GABRG3: variants seen among roughly 807,000 people sequenced by gnomAD.
The protein encoded by GABRG3 is gamma-aminobutyric acid type A receptor subunit gamma3, also known as gamma-aminobutyric acid receptor subunit gamma-3.
In GABRG3, 25 loss-of-function variants were observed where a neutral mutation model predicts 48.8. The ratio of observed to expected loss-of-function variants is 0.51; its 90% confidence interval spans 0.37 to 0.72. The LOEUF is 0.72. Among genes scored for constraint, GABRG3 ranks in the 30% least tolerant of loss-of-function variants. The pLI is 0.00. For missense variants in GABRG3, 394 were observed against 577.9 expected, an observed-to-expected ratio of 0.68 and a Z score of 3.26; for synonymous variants, 227 against 217.6, an observed-to-expected ratio of 1.04 and a Z score of -0.38.
At chr15:27,192,730 T>C (rs1223830817) in intron 3 of GABRG3, among the ~76,000 whole-genome samples, 1 of 152,254 alleles carries the variant, frequency 6.6e-6, no homozygotes, top group Non-Finnish European at 1.5e-5. Context: ...CTCGTCATTC[T>C]CCGTCCAGCT....
Position 27,518,369 on chromosome 15 carries a change from C to CAAAAAAAAA in GABRG3, c.713-1598_713-1590dup, listed in dbSNP as rs3058095. Reference sequence around the variant, plus strand: ...GGGTGACAAGAGTGAAACTCTGTCTCAAAAAAAAAAAAATGGGACATCAGT... The same window carrying CAAAAAAAAA: ...GGGTGACAAGAGTGAAACTCTGTCTCAAAAAAAAAAAAAAAAAAAAAATGGGACATCAGT... On this transcript the variant is annotated intron_variant, in intron 6 of 9. Transcript: ENST00000615808. 2.0e-3 allele frequency among the ~76,000 whole-genome samples: 249 copies of CAAAAAAAAA among 126,878 alleles called. 4 individuals carry two copies. Among genetic ancestry groups the CAAAAAAAAA allele is most frequent in the African/African-American group, 7.3e-3 (240 of 33,076 alleles). 83.2% of individuals were successfully genotyped at this position (126,878 alleles called of 152,430 possible). A position where few individuals can be genotyped will look rare whatever the true frequency, so the allele number is the denominator to read the frequency against.
Position 26,973,961 on chromosome 15 carries a change from A to G in GABRG3, c.53+2373A>G, listed in dbSNP as rs536222344. Among the ~76,000 whole-genome samples, 219 of 152,352 alleles carry G rather than the reference A, an allele frequency of 1.4e-3. 3 individuals carry two copies. The highest frequency in any genetic ancestry group is 1.2e-4 in the Non-Finnish European group (8 of 68,034). Reference sequence around the variant, plus strand: ...AACTTACTTAGAATTTAGGGAAAAGAGAATATTTCTATATTATCCACATTC... The same window carrying G: ...AACTTACTTAGAATTTAGGGAAAAGGGAATATTTCTATATTATCCACATTC... On this transcript the variant is annotated intron_variant, in intron 1 of 9. Transcript: ENST00000615808.
At chr15:27,278,537 T>C (rs1891332106) in intron 3 of GABRG3, among the ~76,000 whole-genome samples, 1 of 152,164 alleles carries the variant, frequency 6.6e-6, no homozygotes, top group Admixed American at 6.5e-5. Context: ...GGGTTTTGAA[T>C]TGAATTGTAT....
intron 3 of GABRG3, among the ~76,000 whole-genome samples, chr15:27,092,350 G>T (rs902665528): frequency 6.6e-6 from 1 of 152,186 alleles, no homozygotes; most frequent in African/African-American, 2.4e-5. Flanking sequence ...ATGCAAATGA[G>T]GCAGGGCGTG....
chr15:27,174,117 T>C (rs955339245), intron 3 of GABRG3, among the ~76,000 whole-genome samples: 1 of 152,132 alleles, frequency 6.6e-6, no homozygotes, highest in Non-Finnish European at 1.5e-5. Flanking sequence ...AATGGCAATG[T>C]TATTTTACTA....
intron 6 of GABRG3, among the ~76,000 whole-genome samples, chr15:27,490,965 T>C (rs1457145937): frequency 6.8e-6 from 1 of 147,564 alleles, no homozygotes; most frequent in Non-Finnish European, 1.5e-5. Flanking sequence ...GTCGGAGTCA[T>C]ACTACATTGG....
chr15:27,044,823 G>A (rs1393913116), intron 3 of GABRG3, among the ~76,000 whole-genome samples: 1 of 152,192 alleles, frequency 6.6e-6, no homozygotes, highest in African/African-American at 2.4e-5. Context: ...CCAGTTGGCC[G>A]CCTGTGACTG....
intron 3 of GABRG3, among the ~76,000 whole-genome samples, chr15:27,030,147 G>A (rs1317640625): frequency 6.6e-6 from 1 of 152,220 alleles, no homozygotes; most frequent in African/African-American, 2.4e-5. Context: ...ACAATTTAGA[G>A]ATGCAGACAG....
In GABRG3 at chr15:27,216,773, T is replaced by TA. The variant is rs1555410292; in HGVS notation, c.271-110036_271-110035insA. ...TTTTTTATTTATTTATTTATTTATT[T>TA]TTTAATTTTTTTTTTTATTATACTC... On this transcript the variant is annotated intron_variant, in intron 3 of 9. Transcript: ENST00000615808. Among the ~76,000 whole-genome samples, 584 of 117,480 alleles carry TA rather than the reference T, an allele frequency of 5.0e-3. 2 individuals carry two copies. Among genetic ancestry groups the TA allele is most frequent in the African/African-American group, 0.016 (512 of 32,042 alleles). The allele number at this position is 117,480 out of a possible 152,430, so 77.1% of individuals were successfully genotyped here.
At chr15:27,317,127 C>T (rs1292026682) in intron 3 of GABRG3, among the ~76,000 whole-genome samples, 2 of 152,158 alleles carry the variant, frequency 1.3e-5, no homozygotes, top group African/African-American at 4.8e-5. Context: ...CTGGCCTCTC[C>T]TTGTGTATTT....
intron 3 of GABRG3, among the ~76,000 whole-genome samples, chr15:27,278,486 C>A (rs1372912385): frequency 6.6e-6 from 1 of 152,204 alleles, no homozygotes; most frequent in African/African-American, 2.4e-5. Context: ...TGCCACCCCC[C>A]ATCCCTAATC....
intron 3 of GABRG3, among the ~76,000 whole-genome samples, chr15:27,238,006 GAGA>G (rs1165820948): frequency 7.9e-5 from 12 of 152,238 alleles, no homozygotes; most frequent in Non-Finnish European, 1.3e-4. Flanking sequence ...AGGAGAAGGT[GAGA>G]AGAAGAGTTA....
At chr15:27,418,684 G>C (rs1888017090) in intron 5 of GABRG3, 1 of 152,126 alleles carries the variant, frequency 6.6e-6, no homozygotes, top group East Asian at 1.9e-4. Flanking sequence ...GAATTAGTTG[G>C]TAAACATATG....
chr15:27,255,337 G>A (rs1431024079), intron 3 of GABRG3, among the ~76,000 whole-genome samples: 1 of 152,226 alleles, frequency 6.6e-6, no homozygotes, highest in Admixed American at 6.5e-5. Context: ...AGTCAGTGCC[G>A]TGGGATGATT....
chr15:27,518,195 C>CCAAAAAAAAAAAAAAAAAAAAAAAAA (rs1891069540), intron 6 of GABRG3, among the ~76,000 whole-genome samples: 1 of 88,032 alleles, frequency 1.1e-5, no homozygotes, highest in African/African-American at 4.3e-5. Flanking sequence ...ACTAAAAATA[C>CCAAAAAAAAAAAAAAAAAAAAAAAAA]AAAAAAAAAA....
chr15:27,442,020 C>T (rs1888802593), intron 5 of GABRG3, among the ~76,000 whole-genome samples: 1 of 152,166 alleles, frequency 6.6e-6, no homozygotes, highest in African/African-American at 2.4e-5. Flanking sequence ...ACCTTGAACC[C>T]AAGGCTAAGA....
chr15:27,032,930 G>A (rs753629141), intron 3 of GABRG3, among the ~76,000 whole-genome samples: 7 of 152,226 alleles, frequency 4.6e-5, no homozygotes, highest in Admixed American at 2.0e-4. Context: ...TTTCTGCATC[G>A]TTCCCCAGAG....
chr15:27,243,379 A>C (rs1056201410), intron 3 of GABRG3, among the ~76,000 whole-genome samples: 1 of 152,064 alleles, frequency 6.6e-6, no homozygotes, highest in African/African-American at 2.4e-5. Flanking sequence ...CAGAGACTCA[A>C]ATGTAGGCAG....
chr15:27,010,738 G>A (rs190644007), intron 2 of GABRG3, among the ~76,000 whole-genome samples: 1 of 152,310 alleles, frequency 6.6e-6, no homozygotes, highest in African/African-American at 2.4e-5. Flanking sequence ...GACATGCTCA[G>A]TTTGAAAGAG....
Sources: gnomAD v4.1 joint callset for allele counts (sites outside exome capture counted in the v4.1 genomes callset) on GRCh38, gnomAD v4.1.1 for gene constraint, MANE v1.5 for transcripts, NCBI Gene and HGNC (gene_info 2026-07-23, HGNC 2026-07-21) for gene names.